Variants in MYO5C observed in about 807,000 individuals in gnomAD.
MYO5C encodes the protein unconventional myosin-Vc.
Under a neutral mutation model 235.7 loss-of-function variants are expected in MYO5C, and 194 were observed. The observed-to-expected ratio is 0.82, with a 90% CI of 0.73 to 0.93. MYO5C has a LOEUF of 0.93. Ranked by LOEUF, MYO5C falls within the 40% of genes least tolerant of loss-of-function variation. The pLI is 0.00. For missense variants in MYO5C, 2,038 were observed against 2,127.2 expected, an observed-to-expected ratio of 0.96 and a Z score of 0.82; for synonymous variants, 707 against 754.8, an observed-to-expected ratio of 0.94 and a Z score of 1.04.
intron 1 of MYO5C, 114 bp downstream of exon 1, chr15:52,295,496 C>T (rs918457011): frequency 5.3e-5 from 67 of 1,264,686 alleles, no homozygotes; most frequent in Middle Eastern, 2.8e-4. Context: ...GCCCGCCCGC[C>T]CTGCCGTGTC....
At position 52,251,385 on chromosome 15, in the gene MYO5C, G is replaced by C; in HGVS notation, c.1662+5C>G. 1 of 1,591,712 alleles carries C rather than the reference G, an allele frequency of 6.3e-7. No homozygotes were observed. ...TGACAGCATTGATGGAGACCTTCAC[G>C]GTACCTTATCAGCAAAGTGCTGGAT... is the stretch of plus-strand genomic sequence containing the variant. On this transcript the variant is annotated splice_donor_5th_base_variant and intron_variant, in intron 13 of 40. Transcript: ENST00000261839.
In MYO5C at chr15:52,282,840, A is replaced by G. The variant is rs767015734; in HGVS notation, c.80T>C (p.Ile27Thr). ...DPEEVWKSAE[I>T]AKDYRVGDKV... ...GTCACCAACTCTGTAGTCCTTGGCTATTTCAGCAGACTTCCAAACTTCTTC... is the reference window on the plus strand; with the variant it reads ...GTCACCAACTCTGTAGTCCTTGGCTGTTTCAGCAGACTTCCAAACTTCTTC... Residue 27 changes from isoleucine to threonine, a missense_variant, in exon 2 of 41, where the codon ATA (isoleucine) becomes ACA (threonine). Physicochemically the swap from Ile to Thr is moderately conservative, Grantham distance 89. Coordinates refer to ENST00000261839, the MANE Select transcript of MYO5C (RefSeq NM_018728.4). 6.2e-7 allele frequency: 1 copy of G among 1,614,020 alleles called. No individual in the cohort carries two copies. Among genetic ancestry groups the G allele is most frequent in the Non-Finnish European group, 8.5e-7 (1 of 1,179,970 alleles).
At chr15:52,239,924 T>G (rs2036175599) in intron 20 of MYO5C, 45 bp from the exon 21 acceptor site, 1 of 1,572,480 alleles carries the variant, frequency 6.4e-7, no homozygotes, top group Non-Finnish European at 8.6e-7. Context: ...TCCCAAGTGC[T>G]TCTCTAACCA....
rs542013561 is a variant in MYO5C at position 52,211,662 on chromosome 15, C to A, written c.4296+68G>T. ...CCACACAATGGAGGCTCAGGATGGG[C>A]AAAGACTGGGCATCTGGTCATTCCC... is the stretch of plus-strand genomic sequence containing the variant. On this transcript the variant is annotated intron_variant, in intron 35 of 40. Transcript: ENST00000261839. The A allele has an allele frequency of 1.4e-5, 21 of 1,528,416 alleles. No individual in the cohort carries two copies. The East Asian group carries it at 3.8e-4, about 28-fold the overall frequency. 94.7% of individuals were successfully genotyped at this position (1,528,416 alleles called of 1,614,324 possible).
chr15:52,260,940 A>C lies in MYO5C; in HGVS notation c.1235T>G (p.Phe412Cys), dbSNP rs1336991892. Residue 412 changes from phenylalanine to cysteine, a missense_variant, in exon 10 of 41, where the codon TTC (phenylalanine) becomes TGC (cysteine). Coordinates refer to ENST00000261839, the MANE Select transcript of MYO5C (RefSeq NM_018728.4). The stretch of plus-strand genomic sequence containing the variant: ...CGCTTGGTTAATTCTCTCCACAATG[A>C]AGTCGAACAGGTGAGCATAGATCTT... ...AKKIYAHLFD[F>C]IVERINQALQ... 4 of 1,614,092 alleles carry C rather than the reference A, an allele frequency of 2.5e-6. No homozygotes were observed. The highest frequency in any genetic ancestry group is 1.3e-5 in the African/African-American group (1 of 74,936).
intron 2 of MYO5C, among the ~76,000 whole-genome samples, chr15:52,281,323 A>C (rs8040562): frequency 0.84 from 128,602 of 152,212 alleles, 55,550 homozygotes; most frequent in Middle Eastern, 0.93. Context: ...AGCTAAAGAG[A>C]GGTCTGGCTG....
intron 25 of MYO5C, among the ~76,000 whole-genome samples, chr15:52,226,676 C>A (rs2035829479): frequency 6.6e-6 from 1 of 152,194 alleles, no homozygotes; most frequent in Non-Finnish European, 1.5e-5. Flanking sequence ...TGAAGGCTGA[C>A]TGGCACGTTC....
At position 52,271,090 on chromosome 15, in the gene MYO5C, G is replaced by A. The variant is rs545893532; in HGVS notation, c.832+673C>T. Among the ~76,000 whole-genome samples, 5 of 152,274 alleles carry A rather than the reference G, an allele frequency of 3.3e-5. No individual in the cohort carries two copies. In the South Asian group the frequency reaches 1.0e-3, roughly 32 times the overall value. ...GAGCCATCAAGGAAGGTCAAATTAT[G>A]ATACAGGTGGTTTGTTTTAATAAGT... On this transcript the variant is annotated intron_variant, in intron 7 of 40. Coordinates refer to ENST00000261839, the MANE Select transcript of MYO5C (RefSeq NM_018728.4).
chr15:52,214,557 G>T, intron 33 of MYO5C, 46 bp downstream of exon 33: 2 of 1,355,134 alleles, frequency 1.5e-6, no homozygotes, highest in South Asian at 1.3e-5. Flanking sequence ...TTGAGCGCAT[G>T]TTAGCCTTAG....
At chr15:52,213,446 T>TC in intron 33 of MYO5C, 160 bp from the exon 34 acceptor site, 2 of 576,456 alleles carry the variant, frequency 3.5e-6, no homozygotes, top group East Asian at 5.9e-5. Flanking sequence ...GAAGAATTTC[T>TC]CCAAGTAGTG....
In MYO5C at chr15:52,268,567, A is replaced by G. The variant is rs529765512; in HGVS notation, c.940+1186T>C. On this transcript the variant is annotated intron_variant, in intron 8 of 40. Transcript: ENST00000261839. Reference sequence around the variant, plus strand: ...TTCTGTCTCAAAAAAAAGAAAAGAAAAAAAAAAAGAAAGAAATGGCCGATG... The same window carrying G: ...TTCTGTCTCAAAAAAAAGAAAAGAAGAAAAAAAAGAAAGAAATGGCCGATG... Among the ~76,000 whole-genome samples, 14 of 152,318 alleles carry G rather than the reference A, an allele frequency of 9.2e-5. No individual in the cohort carries two copies. The East Asian group carries it at 2.1e-3, about 23-fold the overall frequency.
At chr15:52,254,891 G>A (rs2036548996) in intron 11 of MYO5C, among the ~76,000 whole-genome samples, 2 of 151,800 alleles carry the variant, frequency 1.3e-5, no homozygotes, top group Non-Finnish European at 2.9e-5. Context: ...ATATGCACTT[G>A]GAATAAACCT....
chr15:52,222,022 C>A (rs2035699575), intron 29 of MYO5C, among the ~76,000 whole-genome samples: 1 of 152,176 alleles, frequency 6.6e-6, no homozygotes, highest in African/African-American at 2.4e-5. Flanking sequence ...ATGAGACATT[C>A]AACACTTTAT....
chr15:52,233,779 AT>A (rs1275899452), intron 23 of MYO5C, among the ~76,000 whole-genome samples: 1 of 152,238 alleles, frequency 6.6e-6, no homozygotes. Flanking sequence ...AAATGGGAGA[AT>A]GGCAGTGCAG....
intron 26 of MYO5C, 34 bp downstream of exon 26, chr15:52,225,405 C>T (rs765420027): frequency 6.8e-7 from 1 of 1,476,294 alleles, no homozygotes; most frequent in Non-Finnish European, 9.5e-7. Flanking sequence ...ATTCAGTCTG[C>T]ACCCATGGAC....
At chr15:52,231,413 A>T (rs1197127305) in intron 24 of MYO5C, among the ~76,000 whole-genome samples, 6 of 152,154 alleles carry the variant, frequency 3.9e-5, no homozygotes, top group Non-Finnish European at 8.8e-5. Context: ...CTGGCTCTCC[A>T]AGACCCCTGC....
chr15:52,247,722 A>T (rs527694235), intron 14 of MYO5C, 130 bp from the exon 15 acceptor site: 1 of 940,368 alleles, frequency 1.1e-6, no homozygotes, highest in Non-Finnish European at 1.6e-6. Context: ...CAACATCTAC[A>T]GCCAAATCTC....
rs751882777 is a variant in MYO5C, at chr15:52,275,617, G to T, written c.551C>A (p.Ser184Ter). The T allele has an allele frequency of 1.2e-6, 2 of 1,614,088 alleles. No homozygotes were observed. The highest frequency in any genetic ancestry group is 1.7e-6 in the Non-Finnish European group (2 of 1,180,048). ...AMRYFATVSKSGSNAHVEDKV... is the reference protein window; with the variant it reads ...AMRYFATVSK Reference sequence around the variant, plus strand: ...GTCTTCCACGTGAGCGTTGCTGCCCGATTTGCTGACGGTGGCAAAGTACCT... The same window carrying T: ...GTCTTCCACGTGAGCGTTGCTGCCCTATTTGCTGACGGTGGCAAAGTACCT... Residue 184 changes from serine (S) to a stop codon, truncating the protein, a stop_gained, in exon 5 of 41, where the codon TCG (serine) becomes TAG (stop). Transcript: ENST00000261839. LOFTEE classifies it high-confidence loss of function.
chr15:52,238,325 C>T (rs563604448), intron 21 of MYO5C, among the ~76,000 whole-genome samples: 3 of 152,342 alleles, frequency 2.0e-5, no homozygotes, highest in Non-Finnish European at 4.4e-5. Flanking sequence ...TTGGGACTCC[C>T]ACCAGGCATT....
Sources: allele counts gnomAD v4.1 joint callset (sites outside exome capture counted in the v4.1 genomes callset), GRCh38; gene constraint gnomAD v4.1.1; transcripts MANE v1.5; gene names NCBI Gene and HGNC (gene_info 2026-07-23, HGNC 2026-07-21).